PBX1: variants seen among roughly 807,000 people sequenced by gnomAD.
The protein encoded by PBX1 is PBX homeobox 1.
PBX1 carries 6 observed loss-of-function variants against 53.4 expected under a neutral mutation model. The observed-to-expected ratio is 0.11, with a 90% confidence interval of 0.06 to 0.22. The LOEUF (loss-of-function observed/expected upper bound fraction) is 0.22, where lower values mean the gene tolerates loss of function less well. Among genes scored for constraint, PBX1 ranks in the 10% least tolerant of loss-of-function variants. The pLI, the probability that PBX1 is intolerant of heterozygous loss-of-function variation, is 1.00. For synonymous variants in PBX1, 204 were observed against 212.3 expected, an observed-to-expected ratio of 0.96 and a Z score of 0.34; for missense variants, 251 against 551.4, an observed-to-expected ratio of 0.46 and a Z score of 5.46.
chr1:164,630,821 G>A (rs1270803305), intron 2 of PBX1, among the ~76,000 whole-genome samples: 1 of 152,206 alleles, frequency 6.6e-6, no homozygotes, highest in African/African-American at 2.4e-5. Flanking sequence ...CCTTGATAAT[G>A]TGCTTAATCA....
At chr1:164,766,264 G>C (rs1312694782) in intron 2 of PBX1, among the ~76,000 whole-genome samples, 1 of 152,226 alleles carries the variant, frequency 6.6e-6, no homozygotes, top group African/African-American at 2.4e-5. Context: ...AGACTTGAGA[G>C]AAACAGCTGG....
chr1:164,819,937 CT>C, intron 6 of PBX1, 134 bp from the exon 7 acceptor site: 1 of 621,518 alleles, frequency 1.6e-6, no homozygotes. Flanking sequence ...TAACCAGACT[CT>C]GTTGATGTTA....
intron 6 of PBX1, chr1:164,817,339 A>C (rs1196015850): frequency 2.6e-5 from 4 of 152,140 alleles, no homozygotes; most frequent in African/African-American, 9.7e-5. Context: ...AATTCTTTCC[A>C]ACTTGCAGTG....
chr1:164,824,131 C>A (rs1052619598), intron 8 of PBX1, among the ~76,000 whole-genome samples: 1 of 152,120 alleles, frequency 6.6e-6, no homozygotes, highest in Non-Finnish European at 1.5e-5. Flanking sequence ...GTGTTTGATT[C>A]GGTGGAGGAC....
intron 5 of PBX1, among the ~76,000 whole-genome samples, chr1:164,807,997 T>G (rs73029064): frequency 0.015 from 2,238 of 152,344 alleles, 58 homozygotes; most frequent in African/African-American, 0.051. Flanking sequence ...AGGAAAGTTA[T>G]CTGCATTCCT....
intron 6 of PBX1, chr1:164,819,272 T>C (rs1025982009): frequency 6.6e-6 from 1 of 152,062 alleles, no homozygotes; most frequent in Non-Finnish European, 1.5e-5. Context: ...CCCTGGGAGG[T>C]GAAAAGCAGA....
chr1:164,772,472 G>A (rs955012883), intron 2 of PBX1, among the ~76,000 whole-genome samples: 8 of 152,188 alleles, frequency 5.3e-5, no homozygotes, highest in African/African-American at 1.9e-4. Flanking sequence ...AACTGGTCTG[G>A]AAAAAGAAAG....
intron 2 of PBX1, among the ~76,000 whole-genome samples, chr1:164,671,525 T>G (rs1030544238): frequency 3.9e-5 from 6 of 152,192 alleles, no homozygotes; most frequent in Admixed American, 1.3e-4. Flanking sequence ...ATTCTTGCCC[T>G]TTCCCTTGCT....
chr1:164,799,184 T>C (rs1668931405), intron 3 of PBX1, among the ~76,000 whole-genome samples: 1 of 152,086 alleles, frequency 6.6e-6, no homozygotes, highest in Non-Finnish European at 1.5e-5. Context: ...AACTTTTTTT[T>C]CTCTTAAAAA....
rs141706766 is a variant in PBX1, at chr1:164,584,753, C to T, written c.265+21442C>T. On this transcript the variant is annotated intron_variant, in intron 2 of 8. Transcript: ENST00000420696. ...AGACTAGGAAGCTGGCTGGACACAA[C>T]CTTCCAGTGGGAGAGGCGGAGGTGA... 4.0e-4 allele frequency among the ~76,000 whole-genome samples: 61 copies of T among 152,190 alleles called. 1 individual carries two copies. The highest frequency in any genetic ancestry group is 3.4e-3 in the Middle Eastern group (1 of 294).
At chr1:164,878,463 A>G (rs1298256306) in intron 2 of PBX1, among the ~76,000 whole-genome samples, 2 of 152,178 alleles carry the variant, frequency 1.3e-5, no homozygotes, top group African/African-American at 4.8e-5. Flanking sequence ...CATATGAATT[A>G]GCTTTTTTAA....
At chr1:164,579,977 G>A (rs1325254064) in intron 2 of PBX1, among the ~76,000 whole-genome samples, 1 of 152,178 alleles carries the variant, frequency 6.6e-6, no homozygotes, top group Non-Finnish European at 1.5e-5. Context: ...CTGACTTGGA[G>A]ATTTTACTTG....
intron 2 of PBX1, chr1:164,641,080 T>C (rs1215268960): frequency 2.0e-5 from 3 of 152,812 alleles, no homozygotes; most frequent in Non-Finnish European, 2.9e-5. Context: ...TCTGGGACTT[T>C]GAGCAGAATG....
At chr1:164,687,088 G>A (rs1662149035) in intron 2 of PBX1, among the ~76,000 whole-genome samples, 1 of 152,234 alleles carries the variant, frequency 6.6e-6, no homozygotes, top group South Asian at 2.1e-4. Flanking sequence ...GCACCAGCAA[G>A]TCAGGGTGGA....
chr1:164,873,506 A>G (rs1252197588), intron 2 of PBX1, among the ~76,000 whole-genome samples: 2 of 152,336 alleles, frequency 1.3e-5, no homozygotes, highest in African/African-American at 4.8e-5. Flanking sequence ...ATCTTACTAC[A>G]TGCTCTGAAG....
intron 2 of PBX1, among the ~76,000 whole-genome samples, chr1:164,738,101 G>T (rs1665398409): frequency 6.6e-6 from 1 of 152,050 alleles, no homozygotes; most frequent in Non-Finnish European, 1.5e-5. Flanking sequence ...TGTTGTTTCT[G>T]AGTAGTATTT....
chr1:164,713,020 G>T (rs1049703824), intron 2 of PBX1, among the ~76,000 whole-genome samples: 2 of 152,190 alleles, frequency 1.3e-5, no homozygotes, highest in African/African-American at 4.8e-5. Flanking sequence ...TAGGCTACGG[G>T]GAAAGGAGCA....
intron 2 of PBX1, among the ~76,000 whole-genome samples, chr1:164,640,493 C>T (rs1463598395): frequency 6.6e-6 from 1 of 151,552 alleles, no homozygotes; most frequent in Non-Finnish European, 1.5e-5. Context: ...TGTGATGACA[C>T]TAGCACAAAG....
intron 2 of PBX1, among the ~76,000 whole-genome samples, chr1:164,678,898 C>A (rs1338131047): frequency 6.6e-6 from 1 of 151,936 alleles, no homozygotes; most frequent in Non-Finnish European, 1.5e-5. Context: ...TGTGGAGGTG[C>A]AAGAAGGAGG....
Sources: allele counts gnomAD v4.1 joint callset (sites outside exome capture counted in the v4.1 genomes callset), GRCh38; gene constraint gnomAD v4.1.1; transcripts MANE v1.5; gene names NCBI Gene and HGNC (gene_info 2026-07-23, HGNC 2026-07-21).